Variants in ITPRID2 observed in about 807,000 individuals in gnomAD.
The protein encoded by ITPRID2 is protein ITPRID2.
ITPRID2 carries 60 observed loss-of-function variants against 124.3 expected under a neutral mutation model. The observed-to-expected ratio is 0.48, with a 90% CI of 0.39 to 0.60. The LOEUF is 0.60. Among genes scored for constraint, ITPRID2 ranks in the 20% least tolerant of loss-of-function variants. The pLI is 0.00. For missense variants in ITPRID2, 1,553 were observed against 1,512.2 expected (o/e 1.03, Z -0.45); for synonymous variants, 521 against 542.9 (o/e 0.96, Z 0.56).
chr2:181,895,880 A>G (rs1318600399), intron 2 of ITPRID2, 150 bp from the exon 3 acceptor site: 1 of 670,790 alleles, frequency 1.5e-6, no homozygotes. Flanking sequence ...TACTTATGTA[A>G]TCTACTTGCA....
Position 181,915,309 on chromosome 2 carries a change from A to G in ITPRID2, c.1669A>G (p.Thr557Ala), listed in dbSNP as rs542760467. ...TSLGEDLATPTAQDQPYFNES... is the reference protein window; with the variant it reads ...TSLGEDLATPAAQDQPYFNES... ...ACTTGGTGAAGACCTTGCCACACCA[A>G]CAGCACAAGACCAGCCTTATTTTAA... Residue 557 changes from threonine (T) to alanine (A), a missense_variant, in exon 11 of 18, where the codon ACA becomes GCA. Thr to Ala is a moderately conservative substitution (Grantham distance 58). Coordinates refer to ENST00000431877, the MANE Select transcript of ITPRID2 (RefSeq NM_001130445.3). 8 of 1,614,196 alleles carry G rather than the reference A, an allele frequency of 5.0e-6. 1 individual carries two copies. In the East Asian group the frequency reaches 6.7e-5, roughly 13 times the overall value.
Position 181,918,731 on chromosome 2 carries a change from T to C in ITPRID2, c.2866-24T>C, listed in dbSNP as rs548833498. 8 of 1,613,710 alleles carry C rather than the reference T, an allele frequency of 5.0e-6. No homozygotes were observed. The African/African-American group carries it at 9.3e-5, about 19-fold the overall frequency. ...AAATAATTTGTAGAATTTAGAAGTG[T>C]AATTTTGTTATATTGCATTCTAGAA... On this transcript the variant is annotated intron_variant, in intron 12 of 17. Coordinates refer to ENST00000431877, the MANE Select transcript of ITPRID2 (RefSeq NM_001130445.3).
chr2:181,921,877 A>G, intron 15 of ITPRID2, 71 bp from the exon 16 acceptor site: 1 of 1,362,190 alleles, frequency 7.3e-7, no homozygotes, highest in Non-Finnish European at 1.0e-6. Flanking sequence ...AATGACAACC[A>G]GGACTTTAAC....
intron 16 of ITPRID2, among the ~76,000 whole-genome samples, chr2:181,922,776 G>A (rs1029676780): frequency 3.3e-5 from 5 of 152,096 alleles, no homozygotes; most frequent in Non-Finnish European, 5.9e-5. Flanking sequence ...GCATTTTATA[G>A]CTGGACGTGG....
chr2:181,899,698 G>T (rs536622991), intron 6 of ITPRID2, among the ~76,000 whole-genome samples: 16 of 152,240 alleles, frequency 1.1e-4, no homozygotes, highest in Non-Finnish European at 2.4e-4. Flanking sequence ...GCAAAAATTA[G>T]CTGGGTATGG....
chr2:181,916,938 A>C (rs1694107618), intron 11 of ITPRID2: 1 of 991,492 alleles, frequency 1.0e-6, no homozygotes, highest in East Asian at 1.1e-4. Flanking sequence ...GATGCTGTGC[A>C]CAGAGTTAGT....
chr2:181,914,172 G>C (rs987708117), intron 10 of ITPRID2, among the ~76,000 whole-genome samples: 1 of 152,126 alleles, frequency 6.6e-6, no homozygotes, highest in Non-Finnish European at 1.5e-5. Flanking sequence ...TGGACCACCA[G>C]TAAACAGAGA....
In ITPRID2 at chr2:181,928,238, G is replaced by A. The variant is rs34728960; in HGVS notation, c.3753G>A (p.Ala1251=). The change falls in exon 17 of 18, where the codon GCG becomes GCA. Residue 1251 remains alanine, a synonymous_variant. Coordinates refer to ENST00000431877, the MANE Select transcript of ITPRID2 (RefSeq NM_001130445.3). The part of the protein sequence containing the change: ...GLLAAVSSSK[A]SNSKQDYH ...TGGCAGCAGTATCTTCAAGTAAAGCGTCTAATTCTAAGCAAGATTATCATT... is the reference window on the plus strand; with the variant it reads ...TGGCAGCAGTATCTTCAAGTAAAGCATCTAATTCTAAGCAAGATTATCATT... 0.029 allele frequency: 45,190 copies of A among 1,547,264 alleles called. 832 individuals are homozygous for A. Among genetic ancestry groups the A allele is most frequent in the South Asian group, 0.056 (4,664 of 82,882 alleles).
At position 181,918,876 on chromosome 2, in the gene ITPRID2, A is replaced by AG; in HGVS notation, c.2989dup (p.Glu997GlyfsTer4). 2 of 1,613,800 alleles carry AG rather than the reference A, an allele frequency of 1.2e-6. No homozygotes were observed. The highest frequency in any genetic ancestry group is 1.7e-6 in the Non-Finnish European group (2 of 1,179,958). On this transcript the variant is annotated frameshift_variant, in exon 13 of 18. Transcript: ENST00000431877. LOFTEE classifies it high-confidence loss of function. Reference sequence around the variant, plus strand: ...ATGGTTTATCATCATATGACTGAGGAGGAGAGGTAAAAGTTCATTTTGTCT... The same window carrying AG: ...ATGGTTTATCATCATATGACTGAGGAGGGAGAGGTAAAAGTTCATTTTGTCT...
At position 181,902,116 on chromosome 2, in the gene ITPRID2, A is replaced by T. The variant is rs759820809; in HGVS notation, c.1063A>T (p.Met355Leu). 2 of 1,612,922 alleles carry T rather than the reference A, an allele frequency of 1.2e-6. No individual in the cohort carries two copies. Among genetic ancestry groups the T allele is most frequent in the Admixed American group, 3.3e-5 (2 of 59,886 alleles). ...KIMKKKESSS[M>L]LATVKEEVSG... ...TATGAAGAAGAAAGAGTCATCTTCT[A>T]TGTTGGCTACAGTTAAAGAAGAAGT... The change falls in exon 8 of 18, where the codon ATG (methionine) becomes TTG (leucine). Residue 355 changes from methionine (M) to leucine (L), a missense_variant. Transcript: ENST00000431877. The surrounding 1 kb of genome is among the most constrained non-coding windows in gnomAD (Gnocchi z 4.4).
Position 181,915,478 on chromosome 2 carries a change from G to A in ITPRID2, c.1838G>A (p.Ser613Asn). ...ACAGGAACTAAACAGTCCACCTGTA[G>A]TCCAGGGGATCATATCATTGAAATT... Reference protein sequence around the residue: ...ENTGTKQSTCSPGDHIIEITE... With the variant: ...ENTGTKQSTCNPGDHIIEITE... The change falls in exon 11 of 18, where the codon AGT becomes AAT. Residue 613 changes from serine (S) to asparagine (N), a missense_variant. Ser to Asn is a conservative substitution (Grantham distance 46). Transcript: ENST00000431877. The A allele has an allele frequency of 6.2e-7, 1 of 1,614,208 alleles. No homozygotes were observed. The highest frequency in any genetic ancestry group is 8.5e-7 in the Non-Finnish European group (1 of 1,180,032).
chr2:181,916,667 G>T, intron 11 of ITPRID2: 1 of 708,420 alleles, frequency 1.4e-6, no homozygotes, highest in Non-Finnish European at 2.1e-6. Flanking sequence ...CTTTCCAAGA[G>T]GAGAGATTTT....
intron 15 of ITPRID2, among the ~76,000 whole-genome samples, chr2:181,921,477 C>CA (rs200469189): frequency 1.8e-3 from 254 of 138,256 alleles, no homozygotes; most frequent in African/African-American, 5.1e-3. Flanking sequence ...GACTCCATCT[C>CA]AAAAAAAAAA....
intron 16 of ITPRID2, among the ~76,000 whole-genome samples, chr2:181,924,799 G>A (rs375066038): frequency 6.6e-6 from 1 of 152,170 alleles, no homozygotes; most frequent in African/African-American, 2.4e-5. Context: ...CTAAACTTTT[G>A]TCATATTAAA....
chr2:181,893,064 G>T, intron 2 of ITPRID2: 1 of 217,864 alleles, frequency 4.6e-6, no homozygotes, highest in East Asian at 1.0e-4. Context: ...TTTTAGACGA[G>T]TTTAATTTAC....
At chr2:181,923,660 G>A (rs1694648200) in intron 16 of ITPRID2, among the ~76,000 whole-genome samples, 2 of 152,054 alleles carry the variant, frequency 1.3e-5, no homozygotes, top group Admixed American at 6.5e-5. Context: ...TGCTAACTGA[G>A]GAAGTGGGTT....
At chr2:181,895,965 G>T (rs1692163472) in intron 2 of ITPRID2, 65 bp from the exon 3 acceptor site, 9 of 1,359,164 alleles carry the variant, frequency 6.6e-6, no homozygotes, top group Non-Finnish European at 5.2e-6. Flanking sequence ...AAGTAAGGCT[G>T]TGTAATGACA....
At position 181,902,480 on chromosome 2, in the gene ITPRID2, T is replaced by C; in HGVS notation, c.1413+14T>C. On this transcript the variant is annotated intron_variant, in intron 8 of 17. Coordinates refer to ENST00000431877, the MANE Select transcript of ITPRID2 (RefSeq NM_001130445.3). The surrounding 1 kb of genome is among the most constrained non-coding windows in gnomAD (Gnocchi z 4.4). ...GAAATGGAAGAGGTAGGTAAAAAATTACTGAGACTGGTTTCAAGTTGCAGA... is the reference window on the plus strand; with the variant it reads ...GAAATGGAAGAGGTAGGTAAAAAATCACTGAGACTGGTTTCAAGTTGCAGA... The C allele has an allele frequency of 6.7e-7, 1 of 1,491,006 alleles. No individual in the cohort carries two copies. The highest frequency in any genetic ancestry group is 8.9e-7 in the Non-Finnish European group (1 of 1,117,558). The allele number at this position is 1,491,006 out of a possible 1,614,324, so 92.4% of individuals were successfully genotyped here.
Position 181,891,860 on chromosome 2 carries a change from TG to T in ITPRID2, c.-206del, listed in dbSNP as rs1691714435. The T allele has an allele frequency of 6.0e-6, 2 of 334,862 alleles. No homozygotes were observed. Among genetic ancestry groups the T allele is most frequent in the South Asian group, 5.3e-5 (2 of 37,896 alleles). 20.7% of individuals were successfully genotyped at this position (334,862 alleles called of 1,614,324 possible). A position where few individuals can be genotyped will look rare whatever the true frequency, so the allele number is the denominator to read the frequency against. ...TCCCGCGCGCGCCCGGCCGCCTTCA[TG>T]TGAAGCGCCGGCCCTCCGCCCCTTC... is the stretch of plus-strand genomic sequence containing the variant. On this transcript the variant is annotated 5_prime_UTR_variant, in exon 1 of 18. The change abolishes an upstream ATG in the 5' untranslated region. Transcript: ENST00000431877.
Sources: gnomAD v4.1 joint callset for allele counts (sites outside exome capture counted in the v4.1 genomes callset) on GRCh38, gnomAD v4.1.1 for gene constraint, Gnocchi (gnomAD v3.1) non-coding constraint, MANE v1.5 for transcripts, NCBI Gene and HGNC (gene_info 2026-07-23, HGNC 2026-07-21) for gene names.